The following ARL8B variants were observed in gnomAD, a reference collection of about 807,000 sequenced individuals.
ARL8B encodes the protein ARF like GTPase 8B, also known as ADP-ribosylation factor-like protein 8B.
A neutral mutation model predicts 30.6 loss-of-function variants in ARL8B; 9 were observed. That is an observed-to-expected ratio of 0.29 (90% CI 0.18 to 0.51). The LOEUF (loss-of-function observed/expected upper bound fraction) is 0.51. Ranked by LOEUF, ARL8B falls within the 20% of genes least tolerant of loss-of-function variation. The pLI, the probability that ARL8B is intolerant of heterozygous loss-of-function variation, is 0.97. For synonymous variants in ARL8B, 74 were observed against 76.0 expected, an observed-to-expected ratio of 0.97 and a Z score of 0.14; for missense variants, 130 against 227.2, an observed-to-expected ratio of 0.57 and a Z score of 2.75.
At chr3:5,128,914 T>G (rs572833794) in intron 1 of ARL8B, among the ~76,000 whole-genome samples, 4 of 152,366 alleles carry the variant, frequency 2.6e-5, no homozygotes, top group African/African-American at 9.6e-5. Flanking sequence ...TTTTTCTATC[T>G]AAAACATTTT....
intron 1 of ARL8B, among the ~76,000 whole-genome samples, chr3:5,140,194 C>T (rs966346595): frequency 3.3e-5 from 5 of 152,044 alleles, no homozygotes; most frequent in African/African-American, 9.7e-5. Flanking sequence ...TTTGCTGGGT[C>T]CTCACCCAAA....
intron 1 of ARL8B, among the ~76,000 whole-genome samples, chr3:5,147,446 GTCT>G (rs1277853231): frequency 6.6e-6 from 1 of 152,044 alleles, no homozygotes; most frequent in Non-Finnish European, 1.5e-5. Context: ...TGCTATTGGG[GTCT>G]TCTTTTTTCT....
At chr3:5,128,402 C>A in intron 1 of ARL8B, 1 of 449,352 alleles carries the variant, frequency 2.2e-6, no homozygotes, top group Non-Finnish European at 4.5e-6. Context: ...AACATCTCTA[C>A]CTTCCATAAA....
chr3:5,158,653 C>G (rs1177772434), intron 1 of ARL8B, among the ~76,000 whole-genome samples: 1 of 152,114 alleles, frequency 6.6e-6, no homozygotes, highest in Non-Finnish European at 1.5e-5. Flanking sequence ...GCCTGTATAT[C>G]ATTGTTTTAA....
chr3:5,136,564 G>T (rs542277126), intron 1 of ARL8B, among the ~76,000 whole-genome samples: 33 of 152,296 alleles, frequency 2.2e-4, no homozygotes, highest in African/African-American at 6.3e-4. Context: ...TGTGCCAAGT[G>T]TTTTAAGTCT....
Position 5,122,654 on chromosome 3 carries a change from A to G in ARL8B, c.123+66A>G, listed in dbSNP as rs941967075. 7.8e-6 allele frequency: 12 copies of G among 1,531,072 alleles called. No individual in the cohort carries two copies. In the African/African-American group the frequency reaches 1.2e-4, roughly 16 times the overall value. The allele number at this position is 1,531,072 out of a possible 1,614,324, so 94.8% of individuals were successfully genotyped here. A position where few individuals can be genotyped will look rare whatever the true frequency, so the allele number is the denominator to read the frequency against. ...AGGAGTCCGGCCCGGCGCTTCTCCAAGGCCTGAGTTGGGGCCCCCCTCGGC... is the reference window on the plus strand; with the variant it reads ...AGGAGTCCGGCCCGGCGCTTCTCCAGGGCCTGAGTTGGGGCCCCCCTCGGC... On this transcript the variant is annotated intron_variant, in intron 1 of 6. Coordinates refer to ENST00000256496, the MANE Select transcript of ARL8B (RefSeq NM_018184.3).
chr3:5,178,712 G>A lies in ARL8B; in HGVS notation c.560G>A (p.Ter187=). 1 of 1,611,628 alleles carries A rather than the reference G, an allele frequency of 6.2e-7. No individual in the cohort carries two copies. ...CAGCATTCAAAATCTAGAAGAAGCT[G>A]AAGCATCTCCTGAAGTCTTCCAGTC... The part of the protein sequence containing the change: ...LIQHSKSRRS[*] The change falls in exon 7 of 7, where the codon TGA becomes TAA. Residue 187 remains the stop codon, a stop_retained_variant. Coordinates refer to ENST00000256496, the MANE Select transcript of ARL8B (RefSeq NM_018184.3).
chr3:5,123,060 T>C (rs1210900184), intron 1 of ARL8B, among the ~76,000 whole-genome samples: 2 of 152,116 alleles, frequency 1.3e-5, no homozygotes, highest in East Asian at 1.9e-4. Flanking sequence ...AATAGACCCA[T>C]TGTGAAAGCG....
At chr3:5,163,603 T>C (rs2054599655) in intron 1 of ARL8B, among the ~76,000 whole-genome samples, 1 of 152,234 alleles carries the variant, frequency 6.6e-6, no homozygotes, top group Admixed American at 6.5e-5. Context: ...GTGCCATGGC[T>C]CATGCCTGTA....
intron 1 of ARL8B, among the ~76,000 whole-genome samples, chr3:5,141,208 T>C (rs369073695): frequency 6.6e-6 from 1 of 152,226 alleles, no homozygotes; most frequent in South Asian, 2.1e-4. Context: ...GTGTGGTTTA[T>C]TACATCCACA....
At position 5,159,973 on chromosome 3, in the gene ARL8B, A is replaced by G. The variant is rs542796608; in HGVS notation, c.124-10530A>G. Among the ~76,000 whole-genome samples, 8 of 152,350 alleles carry G rather than the reference A, an allele frequency of 5.3e-5. No individual in the cohort carries two copies. In the East Asian group the frequency reaches 1.3e-3, roughly 26 times the overall value. ...CAGATGTTTAGAGACCAACCAGGAC[A>G]ATAGTATCAAGGCCTGAAAATGTGA... On this transcript the variant is annotated intron_variant, in intron 1 of 6. Coordinates refer to ENST00000256496, the MANE Select transcript of ARL8B (RefSeq NM_018184.3).
chr3:5,163,068 A>T (rs1199130207), intron 1 of ARL8B, among the ~76,000 whole-genome samples: 1 of 147,512 alleles, frequency 6.8e-6, no homozygotes. Context: ...GCTCACTGCA[A>T]CCTCCGCTTC....
chr3:5,135,276 A>G (rs1315801756), intron 1 of ARL8B, among the ~76,000 whole-genome samples: 2 of 150,498 alleles, frequency 1.3e-5, no homozygotes, highest in African/African-American at 2.5e-5. Flanking sequence ...TTAATGAAAC[A>G]CATCTGATCT....
intron 1 of ARL8B, among the ~76,000 whole-genome samples, chr3:5,148,859 A>G (rs1025931290): frequency 6.6e-6 from 1 of 152,000 alleles, no homozygotes; most frequent in Non-Finnish European, 1.5e-5. Context: ...ATTCTCCCCA[A>G]AGGACTATCT....
intron 6 of ARL8B, among the ~76,000 whole-genome samples, chr3:5,177,189 C>A (rs573002033): frequency 2.6e-5 from 4 of 152,268 alleles, no homozygotes; most frequent in African/African-American, 9.6e-5. Context: ...ACTTCTTTCG[C>A]TATTTGAGGC....
rs918768671 is a variant in ARL8B at position 5,148,266 on chromosome 3, A to G, written c.124-22237A>G. 2.0e-5 allele frequency among the ~76,000 whole-genome samples: 3 copies of G among 152,148 alleles called. No individual in the cohort carries two copies. In the East Asian group the frequency reaches 5.8e-4, roughly 29 times the overall value. On this transcript the variant is annotated intron_variant, in intron 1 of 6. Coordinates refer to ENST00000256496, the MANE Select transcript of ARL8B (RefSeq NM_018184.3). Reference sequence around the variant, plus strand: ...GAAATTCTTAACTTCAGTACTTGTAAGAGGAGCATTTACAAAGCCAATATC... The same window carrying G: ...GAAATTCTTAACTTCAGTACTTGTAGGAGGAGCATTTACAAAGCCAATATC...
At chr3:5,128,755 T>C (rs746136143) in intron 1 of ARL8B, among the ~76,000 whole-genome samples, 2 of 152,228 alleles carry the variant, frequency 1.3e-5, no homozygotes, top group Non-Finnish European at 2.9e-5. Flanking sequence ...AAGCCACTTA[T>C]TTCTACCATC....
intron 1 of ARL8B, among the ~76,000 whole-genome samples, chr3:5,125,071 TCAGA>T (rs1171712879): frequency 6.6e-6 from 1 of 152,212 alleles, no homozygotes; most frequent in Admixed American, 6.6e-5. Context: ...ACCTTTGAAG[TCAGA>T]CAGCCCTGGA....
At chr3:5,131,419 C>T (rs955134466) in intron 1 of ARL8B, among the ~76,000 whole-genome samples, 5 of 150,482 alleles carry the variant, frequency 3.3e-5, no homozygotes, top group African/African-American at 7.3e-5. Context: ...GAGACAGAGT[C>T]TCACTCTGTC....
Sources: gnomAD v4.1 joint callset for allele counts (sites outside exome capture counted in the v4.1 genomes callset) on GRCh38, gnomAD v4.1.1 for gene constraint, MANE v1.5 for transcripts, NCBI Gene and HGNC (gene_info 2026-07-23, HGNC 2026-07-21) for gene names.